NLK: variants seen among roughly 807,000 people sequenced by gnomAD.
NLK encodes serine/threonine-protein kinase NLK.
A neutral mutation model predicts 59.0 loss-of-function variants in NLK; 11 were observed. The ratio of observed to expected loss-of-function variants is 0.19; its 90% CI spans 0.12 to 0.31. The LOEUF is 0.31. Ranked by LOEUF, NLK falls within the 10% of genes least tolerant of loss-of-function variation. NLK has a pLI of 1.00. For missense variants in NLK, 410 were observed against 661.1 expected, an observed-to-expected ratio of 0.62 and a Z score of 4.16; for synonymous variants, 235 against 235.9, an observed-to-expected ratio of 1.00 and a Z score of 0.03.
In NLK at chr17:28,042,999, C is replaced by T. The variant is rs141560895; in HGVS notation, c.126C>T (p.His42=). The T allele has an allele frequency of 5.1e-6, 8 of 1,556,944 alleles. No homozygotes were observed. The East Asian group carries it at 9.6e-5, about 19-fold the overall frequency. Residue 42 remains histidine, a synonymous_variant, in exon 1 of 11, where the codon CAC becomes CAT. Coordinates refer to ENST00000407008, the MANE Select transcript of NLK (RefSeq NM_016231.5). ...HHHLPHLPPP[H]LHHHHHPQHH... ...ACCTTCCACACCTCCCTCCTCCTCA[C>T]CTGCACCACCACCACCACCCTCAAC...
rs559378230 is a variant in NLK at position 28,061,250 on chromosome 17, A to G, written c.458+17919A>G. Among the ~76,000 whole-genome samples the G allele has an allele frequency of 2.0e-5, 3 of 152,346 alleles. No individual in the cohort carries two copies. In the East Asian group the frequency reaches 5.8e-4, roughly 29 times the overall value. ...CAGTGTTTTACCATTCTGTAATTCT[A>G]TGAGCTATTTTTAAAAGGTGTCTAT... On this transcript the variant is annotated intron_variant, in intron 1 of 10. Coordinates refer to ENST00000407008, the MANE Select transcript of NLK (RefSeq NM_016231.5).
chr17:28,187,556 T>A (rs776754095), intron 8 of NLK, among the ~76,000 whole-genome samples: 5 of 152,118 alleles, frequency 3.3e-5, no homozygotes, highest in Non-Finnish European at 7.4e-5. Flanking sequence ...TGCCTTGGCC[T>A]CCCAAAATGC....
chr17:28,110,777 G>A (rs890362823), intron 1 of NLK, among the ~76,000 whole-genome samples: 2 of 151,966 alleles, frequency 1.3e-5, no homozygotes, highest in East Asian at 3.9e-4. Flanking sequence ...ATTCCCTGTT[G>A]AGTCATTGTC....
At chr17:28,069,208 C>T (rs1303874948) in intron 1 of NLK, among the ~76,000 whole-genome samples, 1 of 152,176 alleles carries the variant, frequency 6.6e-6, no homozygotes, top group Non-Finnish European at 1.5e-5. Context: ...TTCTTTCACT[C>T]TACATAATGT....
At chr17:28,169,794 C>T (rs1230762701) in intron 6 of NLK, among the ~76,000 whole-genome samples, 1 of 142,226 alleles carries the variant, frequency 7.0e-6, no homozygotes, top group Non-Finnish European at 1.5e-5. Flanking sequence ...AAGCTGAAAA[C>T]GGGGCCTGGC....
chr17:28,065,628 A>AG (rs909068190), intron 1 of NLK, among the ~76,000 whole-genome samples: 2 of 152,228 alleles, frequency 1.3e-5, no homozygotes, highest in Non-Finnish European at 2.9e-5. Flanking sequence ...GAACAGGTCT[A>AG]GAAGCTGGGA....
intron 6 of NLK, 28 bp downstream of exon 6, chr17:28,168,685 G>A (rs1908342650): frequency 6.5e-7 from 1 of 1,550,278 alleles, no homozygotes; most frequent in South Asian, 1.1e-5. Context: ...GGCTTTAGTT[G>A]CAATTCTATT....
intron 8 of NLK, among the ~76,000 whole-genome samples, chr17:28,185,982 T>C (rs2142069714): frequency 6.6e-6 from 1 of 152,354 alleles, no homozygotes; most frequent in Non-Finnish European, 1.5e-5. Flanking sequence ...CTACAAATTA[T>C]ACTGTAAGTT....
chr17:28,070,464 C>T (rs1177636400), intron 1 of NLK, among the ~76,000 whole-genome samples: 1 of 150,614 alleles, frequency 6.6e-6, no homozygotes, highest in African/African-American at 2.4e-5. Flanking sequence ...AAGGATTCTC[C>T]TACCTCAGCC....
chr17:28,051,277 A>ATTTG (rs566365199), intron 1 of NLK, among the ~76,000 whole-genome samples: 4,068 of 151,472 alleles, frequency 0.027, 160 homozygotes, highest in African/African-American at 0.086. Context: ...TCCAAATCTC[A>ATTTG]TTTGTTTGTT....
chr17:28,110,661 C>A (rs1905425766), intron 1 of NLK, among the ~76,000 whole-genome samples: 1 of 152,002 alleles, frequency 6.6e-6, no homozygotes, highest in Admixed American at 6.5e-5. Flanking sequence ...GCATAGGTCT[C>A]TGAGGTTTTG....
chr17:28,170,264 T>A (rs1322279142), intron 6 of NLK, among the ~76,000 whole-genome samples: 1 of 152,210 alleles, frequency 6.6e-6, no homozygotes, highest in African/African-American at 2.4e-5. Context: ...ATTCTAAGTG[T>A]GATAGAAAAC....
At chr17:28,149,722 T>C (rs1907403093) in intron 3 of NLK, among the ~76,000 whole-genome samples, 1 of 152,228 alleles carries the variant, frequency 6.6e-6, no homozygotes, top group Admixed American at 6.5e-5. Flanking sequence ...TTTGAGTGAA[T>C]TGCAGTTGCT....
chr17:28,176,838 G>C (rs1425683350), intron 7 of NLK, among the ~76,000 whole-genome samples: 1 of 151,972 alleles, frequency 6.6e-6, no homozygotes, highest in Non-Finnish European at 1.5e-5. Flanking sequence ...ACATATATTT[G>C]TATAAATAGA....
At position 28,095,730 on chromosome 17, in the gene NLK, A is replaced by T. The variant is rs1395811912; in HGVS notation, c.459-26873A>T. Among the ~76,000 whole-genome samples, 4 of 152,318 alleles carry T rather than the reference A, an allele frequency of 2.6e-5. No homozygotes were observed. The East Asian group carries it at 7.7e-4, about 29-fold the overall frequency. ...GACCCTTGCTATGGTGTAACTTTTA[A>T]TGTTTCTGGTTTTACAAAAGAAAAT... On this transcript the variant is annotated intron_variant, in intron 1 of 10. Transcript: ENST00000407008.
chr17:28,133,968 TTGTCA>T (rs1906626945), intron 3 of NLK, among the ~76,000 whole-genome samples: 1 of 152,028 alleles, frequency 6.6e-6, no homozygotes, highest in Admixed American at 6.6e-5. Context: ...GGTAATAGAA[TTGTCA>T]CTGATCAACA....
Position 28,161,213 on chromosome 17 carries a change from C to T in NLK, c.698C>T (p.Pro233Leu). The T allele has an allele frequency of 6.2e-7, 1 of 1,612,148 alleles. No individual in the cohort carries two copies. Among genetic ancestry groups the T allele is most frequent in the Non-Finnish European group, 8.5e-7 (1 of 1,178,256 alleles). ...GACCTACATAAAATTATCGTCTCTC[C>T]TCAACCACTCAGCTCAGATCATGTC... ...QSDLHKIIVS[P>L]QPLSSDHVKV... Residue 233 changes from proline (P) to leucine (L), a missense_variant, in exon 4 of 11, where the codon CCT becomes CTT. By Grantham distance (98) the Pro-to-Leu change is moderately conservative. Transcript: ENST00000407008.
At chr17:28,120,768 T>G (rs973050529) in intron 1 of NLK, among the ~76,000 whole-genome samples, 2 of 152,260 alleles carry the variant, frequency 1.3e-5, no homozygotes, top group African/African-American at 4.8e-5. Context: ...TTTCAGAGTT[T>G]CATGAGCACT....
intron 1 of NLK, among the ~76,000 whole-genome samples, chr17:28,063,407 G>A (rs1231186698): frequency 6.6e-6 from 1 of 151,804 alleles, no homozygotes; most frequent in East Asian, 1.9e-4. Context: ...TTAAAATCGA[G>A]GATGATTTAT....
Sources: gnomAD v4.1 joint callset for allele counts (sites outside exome capture counted in the v4.1 genomes callset) on GRCh38, gnomAD v4.1.1 for gene constraint, MANE v1.5 for transcripts, NCBI Gene and HGNC (gene_info 2026-07-23, HGNC 2026-07-21) for gene names.